TMC5: variants seen among roughly 807,000 people sequenced by gnomAD.
The protein encoded by TMC5 is transmembrane channel-like protein 5.
In TMC5, 86 loss-of-function variants were observed where a neutral mutation model predicts 110.5. That is an observed-to-expected ratio of 0.78 (90% CI 0.65 to 0.93). TMC5 has a LOEUF of 0.93. Among genes scored for constraint, TMC5 ranks in the 40% least tolerant of loss-of-function variants. The pLI, the probability that TMC5 is intolerant of heterozygous loss-of-function variation, is 0.00. For missense variants in TMC5, 1,144 were observed against 1,222.8 expected, an observed-to-expected ratio of 0.94 and a Z score of 0.96; for synonymous variants, 455 against 439.5, an observed-to-expected ratio of 1.04 and a Z score of -0.44.
Position 19,462,557 on chromosome 16 carries a change from T to G in TMC5, c.1149-723T>G, listed in dbSNP as rs1431651477. On this transcript the variant is annotated intron_variant, in intron 6 of 21. Transcript: ENST00000542583. Reference sequence around the variant, plus strand: ...ACGAAGGAAGAGCAAAGGCACATCTTACGTGGTGGTAGGCAAGACGGCATG... The same window carrying G: ...ACGAAGGAAGAGCAAAGGCACATCTGACGTGGTGGTAGGCAAGACGGCATG... 7.1e-6 allele frequency: 5 copies of G among 701,878 alleles called. No individual in the cohort carries two copies. The Admixed American group carries it at 1.0e-4, about 14-fold the overall frequency. The allele number at this position is 701,878 out of a possible 1,614,324, so 43.5% of individuals were successfully genotyped here. A position where few individuals can be genotyped will look rare whatever the true frequency, so the allele number is the denominator to read the frequency against.
At chr16:19,478,707 CATCT>C (rs1294347510) in intron 13 of TMC5, among the ~76,000 whole-genome samples, 13 of 152,118 alleles carry the variant, frequency 8.5e-5, no homozygotes, top group African/African-American at 2.4e-4. Flanking sequence ...TGCATGCATC[CATCT>C]ATCTGTCAAT....
chr16:19,447,393 C>T (rs780460441), intron 4 of TMC5, among the ~76,000 whole-genome samples: 5 of 152,078 alleles, frequency 3.3e-5, no homozygotes, highest in South Asian at 2.1e-4. Context: ...GCAAGTCACA[C>T]GACTAAGCCC....
At chr16:19,426,070 T>C (rs914273514) in intron 1 of TMC5, among the ~76,000 whole-genome samples, 2 of 152,196 alleles carry the variant, frequency 1.3e-5, no homozygotes, top group Non-Finnish European at 2.9e-5. Flanking sequence ...GGCACTGATA[T>C]ATAAGTTGTT....
intron 11 of TMC5, 135 bp from the exon 12 acceptor site, chr16:19,473,990 A>G: frequency 1.2e-6 from 1 of 819,620 alleles, no homozygotes; most frequent in Non-Finnish European, 1.8e-6. Flanking sequence ...AAAAAAATTA[A>G]AATAAATAAA....
At chr16:19,471,543 AT>A (rs1968341592) in intron 10 of TMC5, among the ~76,000 whole-genome samples, 1 of 152,170 alleles carries the variant, frequency 6.6e-6, no homozygotes, top group Non-Finnish European at 1.5e-5. Flanking sequence ...TTTCTGAAAG[AT>A]GGAAGCAGTG....
upstream of TMC5, among the ~76,000 whole-genome samples, chr16:19,416,313 A>AT (rs1358104151): frequency 6.6e-6 from 1 of 152,070 alleles, no homozygotes; most frequent in Non-Finnish European, 1.5e-5. Context: ...TAGGAAACAG[A>AT]TTTTGTTTGT....
intron 5 of TMC5, among the ~76,000 whole-genome samples, chr16:19,451,651 A>C (rs1967751548): frequency 6.6e-6 from 1 of 152,120 alleles, no homozygotes; most frequent in Non-Finnish European, 1.5e-5. Flanking sequence ...TCAATTTTAC[A>C]GCAGACATCG....
At position 19,444,064 on chromosome 16, in the gene TMC5, A is replaced by T. The variant is rs1431968779; in HGVS notation, c.789-17A>T. The T allele has an allele frequency of 1.9e-6, 3 of 1,610,442 alleles. No homozygotes were observed. The highest frequency in any genetic ancestry group is 2.5e-6 in the Non-Finnish European group (3 of 1,177,366). On this transcript the variant is annotated splice_polypyrimidine_tract_variant and intron_variant, in intron 3 of 21. Coordinates refer to ENST00000542583, the MANE Select transcript of TMC5 (RefSeq NM_001261841.2). Reference sequence around the variant, plus strand: ...TATACTCTTGGTTGGATAGTGATCCATCATTTTGGATTTTAGGGTGCTCAG... The same window carrying T: ...TATACTCTTGGTTGGATAGTGATCCTTCATTTTGGATTTTAGGGTGCTCAG...
intron 3 of TMC5, 53 bp downstream of exon 3, chr16:19,440,879 A>AT (rs1967472273): frequency 6.5e-7 from 1 of 1,539,512 alleles, no homozygotes; most frequent in Non-Finnish European, 8.8e-7. Flanking sequence ...GTGCTGAATC[A>AT]TTAAGTCAAT....
In TMC5 at chr16:19,440,721, C is replaced by T. The variant is rs1967467120; in HGVS notation, c.683C>T (p.Ala228Val). ...PFFGEPDYPSAEDNQNLPSTW... is the reference protein window; with the variant it reads ...PFFGEPDYPSVEDNQNLPSTW... ...TTTGGGGAGCCAGACTATCCCAGTG[C>T]TGAGGACAATCAGAACTTGCCAAGC... The change falls in exon 3 of 22, where the codon GCT becomes GTT. Residue 228 changes from alanine (A) to valine (V), a missense_variant. Physicochemically the swap from Ala to Val is moderately conservative, Grantham distance 64. Coordinates refer to ENST00000542583, the MANE Select transcript of TMC5 (RefSeq NM_001261841.2). 1 of 1,614,172 alleles carries T rather than the reference C, an allele frequency of 6.2e-7. No individual in the cohort carries two copies. The highest frequency in any genetic ancestry group is 8.5e-7 in the Non-Finnish European group (1 of 1,180,034).
At chr16:19,416,915 G>A (rs1421288595), upstream of TMC5, among the ~76,000 whole-genome samples, 7 of 150,500 alleles carry the variant, frequency 4.7e-5, no homozygotes, top group African/African-American at 1.7e-4. Flanking sequence ...CCAACATGGT[G>A]AAACCCCATC....
intron 1 of TMC5, among the ~76,000 whole-genome samples, chr16:19,428,483 A>G (rs765533618): frequency 2.0e-5 from 3 of 152,086 alleles, no homozygotes; most frequent in Non-Finnish European, 4.4e-5. Context: ...CCCAATTCTC[A>G]TTTAAAAAAT....
intron 5 of TMC5, chr16:19,456,785 T>G (rs61737711): frequency 6.2e-7 from 1 of 1,614,010 alleles, no homozygotes; most frequent in African/African-American, 1.3e-5. Flanking sequence ...CCACCCATCC[T>G]CAAATCAGAT....
intron 9 of TMC5, among the ~76,000 whole-genome samples, chr16:19,469,159 G>A (rs146250964): frequency 1.3e-5 from 2 of 152,020 alleles, no homozygotes; most frequent in Admixed American, 1.3e-4. Context: ...TTCAAGACCA[G>A]CCTAGCCAAC....
In TMC5 at chr16:19,498,425, G is replaced by A. The variant is rs1969110024; in HGVS notation, c.*459G>A. 6.3e-6 allele frequency: 1 copy of A among 158,682 alleles called. No homozygotes were observed. The highest frequency in any genetic ancestry group is 1.4e-5 in the Non-Finnish European group (1 of 72,722). The allele number at this position is 158,682 out of a possible 1,614,324, so 9.8% of individuals were successfully genotyped here. On this transcript the variant is annotated 3_prime_UTR_variant, in exon 22 of 22. Coordinates refer to ENST00000542583, the MANE Select transcript of TMC5 (RefSeq NM_001261841.2). ...AGGGATATGAAGCCTCTGAATTGTA[G>A]AACCTGCATTTATTTGTGACTTTGA...
intron 19 of TMC5, 62 bp from the exon 20 acceptor site, chr16:19,494,200 A>G (rs1968990194): frequency 1.5e-6 from 2 of 1,376,530 alleles, no homozygotes; most frequent in African/African-American, 1.4e-5. Flanking sequence ...TGCTTTCTCA[A>G]TTCCATACCA....
At position 19,440,180 on chromosome 16, in the gene TMC5, C is replaced by G; in HGVS notation, c.142C>G (p.Pro48Ala). Residue 48 changes from proline (P) to alanine (A), a missense_variant, in exon 3 of 22, where the codon CCC becomes GCC. By Grantham distance (27) the Pro-to-Ala change is conservative. Coordinates refer to ENST00000542583, the MANE Select transcript of TMC5 (RefSeq NM_001261841.2). Reference sequence around the variant, plus strand: ...AGGTCCTCTGAACAATCCAGACTACCCCGGCACCAGGAGCAATCCATACTC... The same window carrying G: ...AGGTCCTCTGAACAATCCAGACTACGCCGGCACCAGGAGCAATCCATACTC... ...VPGPLNNPDY[P>A]GTRSNPYSVA... 1.2e-6 allele frequency: 2 copies of G among 1,614,132 alleles called. No homozygotes were observed. Among genetic ancestry groups the G allele is most frequent in the Non-Finnish European group, 8.5e-7 (1 of 1,180,014 alleles).
At chr16:19,439,910 G>A (rs1967440600) in intron 2 of TMC5, 50 bp from the exon 3 acceptor site, 1 of 766,130 alleles carries the variant, frequency 1.3e-6, no homozygotes, top group East Asian at 2.5e-5. Context: ...AATCTCTGCA[G>A]GGAAGAAAGG....
intron 5 of TMC5, among the ~76,000 whole-genome samples, chr16:19,451,321 C>T (rs1712765856): frequency 1.3e-5 from 2 of 152,100 alleles, no homozygotes; most frequent in Admixed American, 1.3e-4. Context: ...ATAAGATAAC[C>T]GTTAGCCTCA....
Sources: allele counts gnomAD v4.1 joint callset (sites outside exome capture counted in the v4.1 genomes callset), GRCh38; gene constraint gnomAD v4.1.1; transcripts MANE v1.5; gene names NCBI Gene and HGNC (gene_info 2026-07-23, HGNC 2026-07-21).